Variants in FAM107B observed in about 807,000 individuals in gnomAD.
FAM107B encodes the protein protein FAM107B.
FAM107B carries 21 observed loss-of-function variants against 31.5 expected under a neutral mutation model. That is an observed-to-expected ratio of 0.67 (90% CI 0.47 to 0.96). The LOEUF is 0.96. FAM107B is among the 40% of genes least tolerant of loss of function. The pLI, the probability that FAM107B is intolerant of heterozygous loss-of-function variation, is 0.00. For missense variants in FAM107B, 452 were observed against 377.1 expected, an observed-to-expected ratio of 1.20 and a Z score of -1.64; for synonymous variants, 157 against 141.5, an observed-to-expected ratio of 1.11 and a Z score of -0.78.
chr10:14,630,411 A>T (rs994919970), intron 2 of FAM107B, among the ~76,000 whole-genome samples: 13 of 152,042 alleles, frequency 8.6e-5, no homozygotes, highest in African/African-American at 2.9e-4. Context: ...CCAACAAACA[A>T]GAAAAAAAAA....
chr10:14,572,237 C>A, intron 2 of FAM107B: 1 of 985,426 alleles, frequency 1.0e-6, no homozygotes, highest in Non-Finnish European at 1.2e-6. Context: ...ACCTTCCAGA[C>A]CAAGAGAACG....
chr10:14,762,160 G>T (rs1036694664), intron 1 of FAM107B, among the ~76,000 whole-genome samples: 1 of 151,984 alleles, frequency 6.6e-6, no homozygotes, highest in Non-Finnish European at 1.5e-5. Context: ...GTTTTTCTTT[G>T]CAGGCTCCTG....
chr10:14,619,116 G>T (rs1198550856), intron 2 of FAM107B, among the ~76,000 whole-genome samples: 1 of 152,182 alleles, frequency 6.6e-6, no homozygotes, highest in Admixed American at 6.5e-5. Flanking sequence ...TTTAGAGGGA[G>T]CACCGCCTGT....
intron 2 of FAM107B, among the ~76,000 whole-genome samples, chr10:14,580,098 G>A (rs1017357238): frequency 2.0e-5 from 3 of 151,992 alleles, no homozygotes; most frequent in Non-Finnish European, 4.4e-5. Flanking sequence ...GGTGGCTCAA[G>A]CCTGTAATCC....
At chr10:14,537,850 A>G (rs112071203) in intron 2 of FAM107B, among the ~76,000 whole-genome samples, 10 of 151,790 alleles carry the variant, frequency 6.6e-5, no homozygotes, top group Non-Finnish European at 7.4e-5. Flanking sequence ...AAAAAAAAAA[A>G]AAATGAAATG....
At chr10:14,589,099 T>C (rs2131333552) in intron 2 of FAM107B, among the ~76,000 whole-genome samples, 1 of 151,434 alleles carries the variant, frequency 6.6e-6, no homozygotes, top group Admixed American at 6.6e-5. Context: ...GGAGAATCAC[T>C]TGAGCCCAGG....
At chr10:14,642,014 G>T (rs1051879672) in intron 2 of FAM107B, among the ~76,000 whole-genome samples, 2 of 152,140 alleles carry the variant, frequency 1.3e-5, no homozygotes, top group African/African-American at 2.4e-5. Context: ...TCCTCTCCAG[G>T]TGTGAACTTG....
intron 2 of FAM107B, among the ~76,000 whole-genome samples, chr10:14,657,224 G>A (rs1420399026): frequency 6.6e-6 from 1 of 152,168 alleles, no homozygotes; most frequent in East Asian, 1.9e-4. Flanking sequence ...ATGTAGAGAG[G>A]GGAAAGCACA....
At chr10:14,577,247 G>A (rs1249384186) in intron 2 of FAM107B, among the ~76,000 whole-genome samples, 1 of 152,224 alleles carries the variant, frequency 6.6e-6, no homozygotes, top group African/African-American at 2.4e-5. Flanking sequence ...ACAGAAAACA[G>A]TTTATGATAC....
In FAM107B at chr10:14,774,667, T is replaced by C. The variant is rs1451539145; in HGVS notation, c.-4A>G. 1.2e-6 allele frequency: 2 copies of C among 1,609,262 alleles called. No individual in the cohort carries two copies. Among genetic ancestry groups the C allele is most frequent in the African/African-American group, 1.3e-5 (1 of 74,840 alleles). ...GTCTTGCTTTCCACGTGGACATGAC[T>C]TGCAGTGAATCATTGCAAAGTTCAA... On this transcript the variant is annotated 5_prime_UTR_variant, in exon 1 of 5. Transcript: ENST00000181796.
At chr10:14,667,533 C>G in intron 2 of FAM107B, 101 bp downstream of exon 2, 2 of 1,163,188 alleles carry the variant, frequency 1.7e-6, no homozygotes, top group Non-Finnish European at 2.5e-6. Flanking sequence ...TCATTTGGAA[C>G]ATACAGGTTT....
intron 1 of FAM107B, among the ~76,000 whole-genome samples, chr10:14,697,472 A>G (rs988525331): frequency 1.3e-5 from 2 of 152,226 alleles, no homozygotes; most frequent in African/African-American, 4.8e-5. Flanking sequence ...TTGTAGGCCA[A>G]ATTCAAATTT....
intron 2 of FAM107B, among the ~76,000 whole-genome samples, chr10:14,557,822 C>T (rs1033317655): frequency 6.6e-6 from 1 of 152,078 alleles, no homozygotes; most frequent in Admixed American, 6.5e-5. Context: ...GGGGCCTAGC[C>T]GGGGCCTAGC....
chr10:14,769,551 A>AT (rs1324715290), intron 1 of FAM107B, among the ~76,000 whole-genome samples: 9 of 151,904 alleles, frequency 5.9e-5, no homozygotes, highest in Admixed American at 5.3e-4. Flanking sequence ...CGACCAGCTA[A>AT]TTTTTTGTAT....
chr10:14,673,560 C>T (rs1453000104), intron 1 of FAM107B, among the ~76,000 whole-genome samples: 4 of 152,112 alleles, frequency 2.6e-5, no homozygotes, highest in Admixed American at 2.0e-4. Context: ...AGGTTGATTC[C>T]GTATCTTTGC....
At chr10:14,647,027 C>G (rs1283165284) in intron 2 of FAM107B, among the ~76,000 whole-genome samples, 1 of 151,978 alleles carries the variant, frequency 6.6e-6, no homozygotes, top group Non-Finnish European at 1.5e-5. Context: ...ATCTCCTGAC[C>G]TCGTGATCCG....
intron 2 of FAM107B, among the ~76,000 whole-genome samples, chr10:14,623,287 G>A (rs1268554627): frequency 6.6e-6 from 1 of 152,212 alleles, no homozygotes. Flanking sequence ...CACAGAAGTA[G>A]GTGGAGGACA....
chr10:14,723,941 AGAT>A (rs1469335018), intron 1 of FAM107B: 2 of 750,234 alleles, frequency 2.7e-6, no homozygotes, highest in East Asian at 4.9e-5. Context: ...TTCCTTTTAT[AGAT>A]GTGCTGTTCC....
intron 1 of FAM107B, among the ~76,000 whole-genome samples, chr10:14,678,758 A>G (rs1854752765): frequency 6.6e-6 from 1 of 152,206 alleles, no homozygotes; most frequent in African/African-American, 2.4e-5. Context: ...TTGGAAAGAG[A>G]GAAGGTGACA....
Sources: allele counts gnomAD v4.1 joint callset (sites outside exome capture counted in the v4.1 genomes callset), GRCh38; gene constraint gnomAD v4.1.1; transcripts MANE v1.5; gene names NCBI Gene and HGNC (gene_info 2026-07-23, HGNC 2026-07-21).